ELP4: variants seen among roughly 807,000 people sequenced by gnomAD.
ELP4 encodes elongator complex protein 4.
Under a neutral mutation model 48.9 loss-of-function variants are expected in ELP4, and 51 were observed. The observed-to-expected ratio is 1.04, with a 90% CI of 0.83 to 1.32. The LOEUF is 1.32. Ranked by LOEUF, ELP4 falls within the 40% of genes most tolerant of loss-of-function variation. ELP4 has a pLI of 0.00. For missense variants in ELP4, 519 were observed against 514.6 expected, an observed-to-expected ratio of 1.01 and a Z score of -0.08; for synonymous variants, 210 against 189.2, an observed-to-expected ratio of 1.11 and a Z score of -0.90.
intron 2 of ELP4, among the ~76,000 whole-genome samples, chr11:31,538,705 C>T (rs915239095): frequency 8.6e-5 from 13 of 151,596 alleles, no homozygotes; most frequent in Admixed American, 6.6e-5. Flanking sequence ...AATGTATATT[C>T]TATTACCATA....
At chr11:31,746,742 G>A (rs1947601984) in intron 9 of ELP4, among the ~76,000 whole-genome samples, 1 of 152,088 alleles carries the variant, frequency 6.6e-6, no homozygotes, top group Non-Finnish European at 1.5e-5. Flanking sequence ...CTGTTGTGGG[G>A]TCGGTGGAGG....
intron 9 of ELP4, among the ~76,000 whole-genome samples, chr11:31,730,722 A>G (rs896369836): frequency 1.3e-5 from 2 of 152,186 alleles, no homozygotes; most frequent in African/African-American, 4.8e-5. Flanking sequence ...ACAGGAAAAT[A>G]CAACTTGGTT....
chr11:31,668,459 T>G (rs1185972306), intron 9 of ELP4, among the ~76,000 whole-genome samples: 1 of 151,960 alleles, frequency 6.6e-6, no homozygotes, highest in Non-Finnish European at 1.5e-5. Context: ...CACAAAGGAA[T>G]AATTATTTTC....
intron 4 of ELP4, chr11:31,600,371 A>G (rs1957759490): frequency 6.6e-6 from 1 of 152,136 alleles, no homozygotes; most frequent in Non-Finnish European, 1.5e-5. Context: ...CTCTAATACC[A>G]TGACCTACAA....
chr11:31,719,159 C>A (rs776328385), intron 9 of ELP4, among the ~76,000 whole-genome samples: 1 of 151,404 alleles, frequency 6.6e-6, no homozygotes, highest in Non-Finnish European at 1.5e-5. Context: ...CTCTGAGAGG[C>A]TGAGGGGAGG....
chr11:31,537,798 A>T (rs956397365), intron 2 of ELP4, among the ~76,000 whole-genome samples: 3 of 152,196 alleles, frequency 2.0e-5, no homozygotes, highest in African/African-American at 7.2e-5. Flanking sequence ...AACACCGGGG[A>T]CTACAATTTG....
intron 5 of ELP4, among the ~76,000 whole-genome samples, chr11:31,611,860 G>A (rs1267411268): frequency 6.6e-6 from 1 of 152,156 alleles, no homozygotes; most frequent in Non-Finnish European, 1.5e-5. Context: ...GAAGCTAAGT[G>A]GGCAGAGAGG....
intron 2 of ELP4, among the ~76,000 whole-genome samples, chr11:31,530,095 CT>C (rs1956369333): frequency 6.6e-6 from 1 of 152,174 alleles, no homozygotes; most frequent in Non-Finnish European, 1.5e-5. Context: ...TTAGAACTTC[CT>C]TTTCTCACTG....
intron 2 of ELP4, among the ~76,000 whole-genome samples, chr11:31,521,157 A>G (rs960974999): frequency 6.6e-6 from 1 of 152,122 alleles, no homozygotes; most frequent in Non-Finnish European, 1.5e-5. Context: ...TGTCTAGTAA[A>G]GGAAAACGTT....
chr11:31,763,565 T>C, intron 9 of ELP4: 1 of 1,566,384 alleles, frequency 6.4e-7, no homozygotes, highest in South Asian at 1.2e-5. Context: ...GGCTTTCCCT[T>C]TTTTCAGCTA....
Position 31,783,603 on chromosome 11 carries a change from C to A in ELP4, c.*79C>A. The A allele has an allele frequency of 7.2e-7, 1 of 1,393,844 alleles. No homozygotes were observed. The highest frequency in any genetic ancestry group is 9.7e-7 in the Non-Finnish European group (1 of 1,030,484). 86.3% of individuals were successfully genotyped at this position (1,393,844 alleles called of 1,614,324 possible). ...GCTAATAGCTTATGTAAATATTTTT[C>A]TTAACAATTTGACCCTCCACTCCTT... On this transcript the variant is annotated 3_prime_UTR_variant, in exon 10 of 10. Transcript: ENST00000640961.
At chr11:31,581,878 G>A (rs1262725884) in intron 3 of ELP4, among the ~76,000 whole-genome samples, 3 of 151,572 alleles carry the variant, frequency 2.0e-5, no homozygotes, top group East Asian at 3.9e-4. Flanking sequence ...TCTGCCTTCC[G>A]AGTAGCTGGG....
intron 9 of ELP4, among the ~76,000 whole-genome samples, chr11:31,755,950 A>G (rs984820305): frequency 3.0e-4 from 45 of 152,246 alleles, no homozygotes; most frequent in African/African-American, 1.1e-3. Flanking sequence ...AAATGATATC[A>G]GCAACACCAC....
intron 4 of ELP4, among the ~76,000 whole-genome samples, chr11:31,603,225 A>G (rs187292636): frequency 1.1e-4 from 16 of 151,906 alleles, no homozygotes; most frequent in Non-Finnish European, 1.9e-4. Flanking sequence ...ATTTTATCCT[A>G]TAAGCTTAAT....
At chr11:31,536,914 T>C (rs1956511416) in intron 2 of ELP4, among the ~76,000 whole-genome samples, 1 of 152,240 alleles carries the variant, frequency 6.6e-6, no homozygotes, top group Non-Finnish European at 1.5e-5. Context: ...TGCAAATATC[T>C]TCTATCTGTA....
At chr11:31,547,080 A>C (rs2133919944) in intron 3 of ELP4, among the ~76,000 whole-genome samples, 1 of 152,360 alleles carries the variant, frequency 6.6e-6, no homozygotes, top group East Asian at 1.9e-4. Context: ...AAAGAACTAG[A>C]GAACCAAGAG....
At position 31,788,855 on chromosome 11, in the gene ELP4, C is replaced by A. The variant is rs558685564; in HGVS notation, c.*5331C>A. 3 of 203,166 alleles carry A rather than the reference C, an allele frequency of 1.5e-5. No individual in the cohort carries two copies. In the South Asian group the frequency reaches 5.8e-4, roughly 39 times the overall value. 12.6% of individuals were successfully genotyped at this position (203,166 alleles called of 1,614,324 possible). A position where few individuals can be genotyped will look rare whatever the true frequency, so the allele number is the denominator to read the frequency against. On this transcript the variant is annotated 3_prime_UTR_variant, in exon 10 of 10. Coordinates refer to ENST00000640961, the MANE Select transcript of ELP4 (RefSeq NM_019040.5). ...TAAAACAGAGTGTGTGTGAAAGTAA[C>A]CATTGGTTTAGAATGTTGATCTAAC...
intron 3 of ELP4, among the ~76,000 whole-genome samples, chr11:31,571,997 A>G (rs909482412): frequency 2.6e-5 from 4 of 152,224 alleles, no homozygotes; most frequent in African/African-American, 9.6e-5. Flanking sequence ...ACTTACAGTC[A>G]TCAACTGCAT....
intron 3 of ELP4, among the ~76,000 whole-genome samples, chr11:31,561,417 A>G (rs1477170736): frequency 6.6e-6 from 1 of 152,030 alleles, no homozygotes; most frequent in African/African-American, 2.4e-5. Flanking sequence ...TCTTCATAAT[A>G]AATTTGTTTG....
Sources: gnomAD v4.1 joint callset for allele counts (sites outside exome capture counted in the v4.1 genomes callset) on GRCh38, gnomAD v4.1.1 for gene constraint, MANE v1.5 for transcripts, NCBI Gene and HGNC (gene_info 2026-07-23, HGNC 2026-07-21) for gene names.